The following FAT3 variants were observed in gnomAD, a reference collection of about 807,000 sequenced individuals.
FAT3 encodes the protein FAT atypical cadherin 3.
In FAT3, 95 loss-of-function variants were observed where a neutral mutation model predicts 310.2. The observed-to-expected ratio is 0.31, with a 90% CI of 0.26 to 0.36. The LOEUF is 0.36. Among genes scored for constraint, FAT3 ranks in the 10% least tolerant of loss-of-function variants. FAT3 has a pLI of 1.00. For synonymous variants in FAT3, 2,314 were observed against 2,192.9 expected (o/e 1.06, Z -1.54); for missense variants, 5,408 against 5,715.6 (o/e 0.95, Z 1.74).
At chr11:92,480,812 C>T (rs1343237357) in intron 2 of FAT3, among the ~76,000 whole-genome samples, 3 of 152,062 alleles carry the variant, frequency 2.0e-5, no homozygotes, top group African/African-American at 7.2e-5. Flanking sequence ...GCTGCATGAC[C>T]AGAAATGTCT....
chr11:92,555,948 A>T (rs1445563541), intron 3 of FAT3, among the ~76,000 whole-genome samples: 1 of 152,176 alleles, frequency 6.6e-6, no homozygotes, highest in African/African-American at 2.4e-5. Context: ...GTAAGCATAA[A>T]CCTTAACAGC....
intron 2 of FAT3, among the ~76,000 whole-genome samples, chr11:92,503,985 A>G (rs1226941181): frequency 6.6e-6 from 1 of 152,280 alleles, no homozygotes; most frequent in African/African-American, 2.4e-5. Flanking sequence ...ACATTGTCCA[A>G]ATAAATTACT....
intron 15 of FAT3, 58 bp downstream of exon 15, chr11:92,835,142 A>C: frequency 6.9e-7 from 1 of 1,452,960 alleles, no homozygotes. Context: ...TCCACAATAA[A>C]GTGAAGAAGA....
rs556731886 is a variant in FAT3 at position 92,360,050 on chromosome 11, G to A, written c.3292+4646G>A. On this transcript the variant is annotated intron_variant, in intron 2 of 27. Transcript: ENST00000525166. ...TCTAGTTCTAGATCCCTGAGGAATC[G>A]CTACACTGACTTCCACAATGGTTGA... Among the ~76,000 whole-genome samples, 33 of 152,068 alleles carry A rather than the reference G, an allele frequency of 2.2e-4. 2 individuals are homozygous for A. The South Asian group carries it at 6.7e-3, about 31-fold the overall frequency.
intron 18 of FAT3, among the ~76,000 whole-genome samples, chr11:92,842,668 TCAA>T: frequency 6.6e-6 from 1 of 152,088 alleles, no homozygotes; most frequent in Non-Finnish European, 1.5e-5. Context: ...GCTCAAGAGT[TCAA>T]GACCAGCCTT....
At chr11:92,302,531 GA>G (rs2134428913) in intron 1 of FAT3, among the ~76,000 whole-genome samples, 1 of 151,886 alleles carries the variant, frequency 6.6e-6, no homozygotes, top group Admixed American at 6.6e-5. Context: ...GGGAAAAGAA[GA>G]AAAAATTGCT....
chr11:92,652,852 G>T (rs1242699892), intron 3 of FAT3, among the ~76,000 whole-genome samples: 1 of 152,110 alleles, frequency 6.6e-6, no homozygotes, highest in Admixed American at 6.5e-5. Flanking sequence ...CTGCATTTGG[G>T]CTCACACTCT....
chr11:92,318,011 C>T (rs1274780740), intron 1 of FAT3, among the ~76,000 whole-genome samples: 1 of 152,140 alleles, frequency 6.6e-6, no homozygotes, highest in Non-Finnish European at 1.5e-5. Context: ...AATCATATGT[C>T]TTCACTCTGA....
chr11:92,778,576 C>T (rs1022160509), intron 7 of FAT3, among the ~76,000 whole-genome samples: 2 of 152,108 alleles, frequency 1.3e-5, no homozygotes, highest in African/African-American at 2.4e-5. Flanking sequence ...CCTTGAAGCC[C>T]ATGAACTTGT....
rs1565606712 is a variant in FAT3, at chr11:92,800,556, G to A, written c.7543G>A (p.Val2515Ile). Reference protein sequence around the residue: ...VRENVAAGTKVIHVRATDGDP... With the variant: ...VRENVAAGTKIIHVRATDGDP... The stretch of plus-strand genomic sequence containing the variant: ...AGAGAACGTGGCTGCAGGAACAAAG[G>A]TAATTCATGTTCGAGCCACAGATGG... The change falls in exon 10 of 28, where the codon GTA (valine) becomes ATA (isoleucine). Residue 2515 changes from valine to isoleucine, a missense_variant. Val to Ile is a conservative substitution (Grantham distance 29). Around this residue, in one of 5 missense-constraint regions of FAT3, gnomAD observed 4,588 missense variants for 4,809.8 expected, o/e 0.95. Coordinates refer to ENST00000525166, the MANE Select transcript of FAT3 (RefSeq NM_001367949.2). The A allele has an allele frequency of 6.2e-6, 10 of 1,613,770 alleles. No homozygotes were observed. Among genetic ancestry groups the A allele is most frequent in the Non-Finnish European group, 7.6e-6 (9 of 1,179,832 alleles).
rs1946232093 is a variant in FAT3 at position 92,275,118 on chromosome 11, T to A, written c.-18+49944T>A. On this transcript the variant is annotated intron_variant, in intron 1 of 27. Coordinates refer to ENST00000525166, the MANE Select transcript of FAT3 (RefSeq NM_001367949.2). ...TGAACGCCAAACCTTGATTCTCTAGTCTTCCCAGGTACCACACTGAAAGTA... is the reference window on the plus strand; with the variant it reads ...TGAACGCCAAACCTTGATTCTCTAGACTTCCCAGGTACCACACTGAAAGTA... Among the ~76,000 whole-genome samples the A allele has an allele frequency of 3.3e-5, 5 of 152,094 alleles. No individual in the cohort carries two copies. The South Asian group carries it at 1.0e-3, about 31-fold the overall frequency.
intron 3 of FAT3, among the ~76,000 whole-genome samples, chr11:92,566,119 T>C (rs906319912): frequency 6.6e-6 from 1 of 152,212 alleles, no homozygotes; most frequent in Admixed American, 6.5e-5. Flanking sequence ...GATGACATGA[T>C]TGTGTATCTA....
At chr11:92,804,871 T>C (rs1168571760) in intron 10 of FAT3, among the ~76,000 whole-genome samples, 1 of 152,206 alleles carries the variant, frequency 6.6e-6, no homozygotes, top group Admixed American at 6.5e-5. Flanking sequence ...CAGTTTGAAT[T>C]TGATTGTTCT....
At chr11:92,476,682 T>A (rs750843317) in intron 2 of FAT3, among the ~76,000 whole-genome samples, 2 of 152,150 alleles carry the variant, frequency 1.3e-5, no homozygotes, top group Non-Finnish European at 2.9e-5. Flanking sequence ...AAAAGCTTTA[T>A]AAACGAAGAC....
At chr11:92,265,758 G>A (rs144792337) in intron 1 of FAT3, among the ~76,000 whole-genome samples, 32 of 152,122 alleles carry the variant, frequency 2.1e-4, no homozygotes, top group African/African-American at 7.2e-4. Context: ...ATGGTAGAAG[G>A]GGCAAGGCAG....
At chr11:92,249,605 G>A (rs1209029202) in intron 1 of FAT3, among the ~76,000 whole-genome samples, 1 of 152,194 alleles carries the variant, frequency 6.6e-6, no homozygotes, top group Non-Finnish European at 1.5e-5. Context: ...AGACTTGAGA[G>A]TGCTGGGAAA....
At chr11:92,470,692 C>T (rs1951881256) in intron 2 of FAT3, among the ~76,000 whole-genome samples, 2 of 152,298 alleles carry the variant, frequency 1.3e-5, no homozygotes, top group South Asian at 4.1e-4. Context: ...GCTGAAATGC[C>T]TGGCTTTGGA....
In FAT3 at chr11:92,424,291, G is replaced by T. The variant is rs538529505; in HGVS notation, c.3292+68887G>T. Among the ~76,000 whole-genome samples, 45 of 152,202 alleles carry T rather than the reference G, an allele frequency of 3.0e-4. No individual in the cohort carries two copies. In the South Asian group the frequency reaches 8.7e-3, roughly 29 times the overall value. ...GCTAATTTTGATAGTTTTTGAATTA[G>T]ATGTGAATTATACCTGCTTATTTTT... On this transcript the variant is annotated intron_variant, in intron 2 of 27. Coordinates refer to ENST00000525166, the MANE Select transcript of FAT3 (RefSeq NM_001367949.2).
At chr11:92,378,622 T>C (rs1482455258) in intron 2 of FAT3, among the ~76,000 whole-genome samples, 2 of 152,248 alleles carry the variant, frequency 1.3e-5, no homozygotes, top group East Asian at 3.8e-4. Context: ...CGAATTTTTA[T>C]TTTATATGCA....
Sources: gnomAD v4.1 joint callset for allele counts (sites outside exome capture counted in the v4.1 genomes callset) on GRCh38, gnomAD v4.1.1 for gene constraint, gnomAD v4.1.1 regional missense constraint, MANE v1.5 for transcripts, NCBI Gene and HGNC (gene_info 2026-07-23, HGNC 2026-07-21) for gene names.